PAIP2: variants seen among roughly 807,000 people sequenced by gnomAD.
The protein encoded by PAIP2 is poly(A) binding protein interacting protein 2.
Under a neutral mutation model 14.8 loss-of-function variants are expected in PAIP2, and 7 were observed. That is an observed-to-expected ratio of 0.47 (90% CI 0.27 to 0.89). The LOEUF is 0.89. Ranked by LOEUF, PAIP2 falls within the 40% of genes least tolerant of loss-of-function variation. PAIP2 has a pLI of 0.13. For missense variants in PAIP2, 122 were observed against 154.7 expected (o/e 0.79, Z 1.12); for synonymous variants, 47 against 45.3 (o/e 1.04, Z -0.15).
At chr5:139,344,918 T>G (rs1213148208) in intron 1 of PAIP2, among the ~76,000 whole-genome samples, 1 of 152,130 alleles carries the variant, frequency 6.6e-6, no homozygotes, top group Non-Finnish European at 1.5e-5. Context: ...CTAGGTTCTC[T>G]AACTAGGTAC....
chr5:139,349,297 G>A (rs1756654269), intron 1 of PAIP2, among the ~76,000 whole-genome samples: 1 of 152,106 alleles, frequency 6.6e-6, no homozygotes, highest in Admixed American at 6.5e-5. Context: ...CGCCCAGGCT[G>A]GAGTACAGTG....
chr5:139,355,415 G>T (rs1029051933), intron 1 of PAIP2, among the ~76,000 whole-genome samples: 1 of 151,884 alleles, frequency 6.6e-6, no homozygotes, highest in Non-Finnish European at 1.5e-5. Context: ...CAGGTGATCT[G>T]CCTGCCTTGG....
intron 3 of PAIP2, among the ~76,000 whole-genome samples, chr5:139,366,841 A>C (rs1012620190): frequency 3.9e-5 from 6 of 152,174 alleles, no homozygotes; most frequent in Admixed American, 3.3e-4. Flanking sequence ...TGGGAAGATT[A>C]CTTTGGCCCA....
At chr5:139,363,299 T>TA (rs1757126269) in intron 1 of PAIP2, among the ~76,000 whole-genome samples, 1 of 152,170 alleles carries the variant, frequency 6.6e-6, no homozygotes, top group Admixed American at 6.5e-5. Flanking sequence ...CTTAAAACAT[T>TA]AAAATCATTT....
Position 139,353,517 on chromosome 5 carries a change from C to A in PAIP2, c.-26-10242C>A, listed in dbSNP as rs1756813939. On this transcript the variant is annotated intron_variant, in intron 1 of 3. Coordinates refer to ENST00000265192, the MANE Select transcript of PAIP2 (RefSeq NM_016480.5). Reference sequence around the variant, plus strand: ...TTATAATTAACATCTTAGTTTGTAACAATTCAGTTTGAGTTAATATCAGCT... The same window carrying A: ...TTATAATTAACATCTTAGTTTGTAAAAATTCAGTTTGAGTTAATATCAGCT... Among the ~76,000 whole-genome samples, 3 of 152,166 alleles carry A rather than the reference C, an allele frequency of 2.0e-5. No homozygotes were observed. The South Asian group carries it at 6.2e-4, about 32-fold the overall frequency.
rs373164201 is a variant in PAIP2, at chr5:139,350,244, A to G, written c.-27+8264A>G. 9.7e-4 allele frequency among the ~76,000 whole-genome samples: 147 copies of G among 152,108 alleles called. 1 individual carries two copies. The South Asian group carries it at 0.028, about 29-fold the overall frequency. The stretch of plus-strand genomic sequence containing the variant: ...TCAGACTGGGTCACATATTCTATCT[A>G]CTGTAGTAGAGGACTTGGATAAACC... On this transcript the variant is annotated intron_variant, in intron 1 of 3. Coordinates refer to ENST00000265192, the MANE Select transcript of PAIP2 (RefSeq NM_016480.5).
intron 3 of PAIP2, chr5:139,365,161 A>ATAAG (rs1757179846): frequency 6.8e-6 from 1 of 146,132 alleles, no homozygotes; most frequent in East Asian, 2.0e-4. Context: ...AAATAAATAA[A>ATAAG]TAAATAAATA....
intron 1 of PAIP2, among the ~76,000 whole-genome samples, chr5:139,351,853 T>C (rs1051018999): frequency 1.3e-5 from 2 of 152,080 alleles, no homozygotes; most frequent in African/African-American, 2.4e-5. Flanking sequence ...ATAGATGGGC[T>C]CTTGGTATGT....
At chr5:139,367,817 T>TC (rs1161087679) in intron 3 of PAIP2, among the ~76,000 whole-genome samples, 6 of 152,252 alleles carry the variant, frequency 3.9e-5, no homozygotes, top group Non-Finnish European at 8.8e-5. Flanking sequence ...AATTCCTTGT[T>TC]CCGTGCTATT....
intron 1 of PAIP2, chr5:139,343,037 C>T (rs1756430318): frequency 6.6e-6 from 1 of 152,160 alleles, no homozygotes; most frequent in South Asian, 2.1e-4. Flanking sequence ...ATTTCATTAG[C>T]ACAGTTAGAT....
chr5:139,366,222 AAAG>A (rs1757242931), intron 3 of PAIP2, among the ~76,000 whole-genome samples: 1 of 151,566 alleles, frequency 6.6e-6, no homozygotes, highest in South Asian at 2.1e-4. Flanking sequence ...AAAAAAAAAA[AAAG>A]CGGGGTGGGG....
chr5:139,347,947 G>A (rs554724586), intron 1 of PAIP2, among the ~76,000 whole-genome samples: 2 of 152,128 alleles, frequency 1.3e-5, no homozygotes, highest in East Asian at 1.9e-4. Context: ...CGAGGTGGGC[G>A]GATCACCTGA....
At chr5:139,361,902 C>T (rs1044262246) in intron 1 of PAIP2, among the ~76,000 whole-genome samples, 9 of 147,168 alleles carry the variant, frequency 6.1e-5, no homozygotes, top group Non-Finnish European at 1.0e-4. Flanking sequence ...GCTGAGATCA[C>T]GCCACTGCAC....
In PAIP2 at chr5:139,358,283, G is replaced by A. The variant is rs116683605; in HGVS notation, c.-26-5476G>A. On this transcript the variant is annotated intron_variant, in intron 1 of 3. Transcript: ENST00000265192. The stretch of plus-strand genomic sequence containing the variant: ...TAATCCCTACATCCACAGGACTTGT[G>A]AGTATTAAATAGATGATGACTGTAA... 1.7e-3 allele frequency among the ~76,000 whole-genome samples: 263 copies of A among 152,316 alleles called. 1 individual carries two copies. Among genetic ancestry groups the A allele is most frequent in the African/African-American group, 6.1e-3 (252 of 41,546 alleles).
At chr5:139,361,819 G>A (rs180937996) in intron 1 of PAIP2, among the ~76,000 whole-genome samples, 1 of 151,812 alleles carries the variant, frequency 6.6e-6, no homozygotes, top group Non-Finnish European at 1.5e-5. Flanking sequence ...AATGGCATAC[G>A]CCTGTAATCC....
rs536044389 is a variant in PAIP2 at position 139,363,061 on chromosome 5, C to T, written c.-26-698C>T. On this transcript the variant is annotated intron_variant, in intron 1 of 3. Coordinates refer to ENST00000265192, the MANE Select transcript of PAIP2 (RefSeq NM_016480.5). ...TTCAAGACCAGCCTGGCCAACGTGGCGAAACTCCATCTCTACTAAAAATAC... is the reference window on the plus strand; with the variant it reads ...TTCAAGACCAGCCTGGCCAACGTGGTGAAACTCCATCTCTACTAAAAATAC... Among the ~76,000 whole-genome samples, 490 of 151,830 alleles carry T rather than the reference C, an allele frequency of 3.2e-3. 8 individuals carry two copies. The highest frequency in any genetic ancestry group is 7.7e-4 in the Non-Finnish European group (52 of 67,922).
At chr5:139,358,402 G>A (rs1756979951) in intron 1 of PAIP2, among the ~76,000 whole-genome samples, 2 of 152,204 alleles carry the variant, frequency 1.3e-5, no homozygotes, top group Admixed American at 1.3e-4. Flanking sequence ...GAAAAGGATT[G>A]GGAGTGAGGA....
chr5:139,359,891 G>A (rs1757019328), intron 1 of PAIP2, among the ~76,000 whole-genome samples: 1 of 151,746 alleles, frequency 6.6e-6, no homozygotes, highest in Non-Finnish European at 1.5e-5. Context: ...AGAATCTCTT[G>A]AACCAGGAGG....
At position 139,363,810 on chromosome 5, in the gene PAIP2, C is replaced by G; in HGVS notation, c.26C>G (p.Thr9Ser). The G allele has an allele frequency of 6.2e-7, 1 of 1,614,140 alleles. No individual in the cohort carries two copies. The highest frequency in any genetic ancestry group is 8.5e-7 in the Non-Finnish European group (1 of 1,179,988). ...ATGAAAGATCCAAGTCGCAGCAGTA[C>G]TAGCCCAAGCATCATCAATGAAGAT... is the stretch of plus-strand genomic sequence containing the variant. MKDPSRSS[T>S]SPSIINEDVI... The change falls in exon 2 of 4, where the codon ACT becomes AGT. Residue 9 changes from threonine (T) to serine (S), a missense_variant. Physicochemically the swap from Thr to Ser is moderately conservative, Grantham distance 58. Coordinates refer to ENST00000265192, the MANE Select transcript of PAIP2 (RefSeq NM_016480.5).
Sources: allele counts gnomAD v4.1 joint callset (sites outside exome capture counted in the v4.1 genomes callset), GRCh38; gene constraint gnomAD v4.1.1; transcripts MANE v1.5; gene names NCBI Gene and HGNC (gene_info 2026-07-23, HGNC 2026-07-21).